The following CNBD1 variants were observed in gnomAD, a reference collection of about 807,000 sequenced individuals.
The protein encoded by CNBD1 is cyclic nucleotide binding domain containing 1.
A neutral mutation model predicts 54.4 loss-of-function variants in CNBD1; 71 were observed. The observed-to-expected ratio is 1.30, with a 90% CI of 1.08 to 1.59. The LOEUF is 1.59. Ranked by LOEUF, CNBD1 falls within the 40% of genes most tolerant of loss-of-function variation. CNBD1 has a pLI of 0.00. For missense variants in CNBD1, 659 were observed against 518.0 expected (o/e 1.27, Z -2.64); for synonymous variants, 182 against 170.7 (o/e 1.07, Z -0.51).
intron 4 of CNBD1, among the ~76,000 whole-genome samples, chr8:87,106,208 TTTTCTTTTC>T (rs551283424): frequency 8.2e-4 from 124 of 152,098 alleles, no homozygotes; most frequent in African/African-American, 2.8e-3. Context: ...TTTTCTTTTC[TTTTCTTTTC>T]TTTCTTTTCT....
chr8:86,897,585 A>G (rs1223617310), intron 2 of CNBD1, among the ~76,000 whole-genome samples: 1 of 152,248 alleles, frequency 6.6e-6, no homozygotes, highest in African/African-American at 2.4e-5. Context: ...GAGTCTACCC[A>G]TGAATGGCTG....
intron 5 of CNBD1, among the ~76,000 whole-genome samples, chr8:87,234,943 A>G (rs1010866175): frequency 2.0e-5 from 3 of 152,210 alleles, no homozygotes; most frequent in African/African-American, 7.2e-5. Context: ...ACCTTTATCA[A>G]TGACCTCAGC....
chr8:87,037,022 T>G (rs1002244915), intron 4 of CNBD1, among the ~76,000 whole-genome samples: 1 of 152,218 alleles, frequency 6.6e-6, no homozygotes, highest in Non-Finnish European at 1.5e-5. Context: ...AGGATTTCTC[T>G]GTAAACTTCT....
intron 8 of CNBD1, among the ~76,000 whole-genome samples, chr8:87,319,897 T>C (rs1809482614): frequency 6.6e-6 from 1 of 152,056 alleles, no homozygotes; most frequent in African/African-American, 2.4e-5. Context: ...GCATTGGATT[T>C]TGTCCTAAGT....
intron 4 of CNBD1, among the ~76,000 whole-genome samples, chr8:86,949,987 C>T (rs1195318389): frequency 2.6e-5 from 2 of 75,528 alleles, no homozygotes; most frequent in South Asian, 6.5e-4. Flanking sequence ...GATGGAGTCT[C>T]GCTCTGTCCC....
rs1206274610 is a variant in CNBD1 at position 87,166,296 on chromosome 8, T to A, written c.432-39697T>A. ...TTCAGGTCCATCTCCAATATATATC[T>A]TGGATCTGTCTGCTTGGTTCCATTT... is the stretch of plus-strand genomic sequence containing the variant. On this transcript the variant is annotated intron_variant, in intron 4 of 10. Coordinates refer to ENST00000518476, the MANE Select transcript of CNBD1 (RefSeq NM_173538.3). This position sits in a 1 kb window ranked among gnomAD's most constrained non-coding sequence, Gnocchi z 4.3. 1.3e-5 allele frequency among the ~76,000 whole-genome samples: 2 copies of A among 151,918 alleles called. No homozygotes were observed. Among genetic ancestry groups the A allele is most frequent in the Non-Finnish European group, 2.9e-5 (2 of 67,906 alleles).
At chr8:86,974,803 A>G (rs1180985674) in intron 4 of CNBD1, among the ~76,000 whole-genome samples, 4 of 152,014 alleles carry the variant, frequency 2.6e-5, no homozygotes, top group African/African-American at 9.7e-5. Flanking sequence ...AAGCTGGATA[A>G]TGTATGTTTA....
intron 6 of CNBD1, among the ~76,000 whole-genome samples, chr8:87,275,729 T>G (rs1311008862): frequency 6.6e-6 from 1 of 151,504 alleles, no homozygotes; most frequent in Non-Finnish European, 1.5e-5. Flanking sequence ...CCAGGGCAAT[T>G]AGGCAGGAGA....
chr8:87,378,463 T>C (rs1346589188), intron 10 of CNBD1, among the ~76,000 whole-genome samples: 9 of 151,174 alleles, frequency 6.0e-5, no homozygotes, highest in African/African-American at 1.2e-4. Context: ...CAGATAGTTG[T>C]AGATATGTGG....
intron 6 of CNBD1, among the ~76,000 whole-genome samples, chr8:87,241,765 TA>T (rs1362711725): frequency 2.0e-5 from 3 of 152,036 alleles, no homozygotes; most frequent in Non-Finnish European, 2.9e-5. Context: ...CAATACCTAT[TA>T]AAAAAACAAA....
chr8:86,939,896 G>A (rs1256994064), intron 4 of CNBD1, 142 bp downstream of exon 4: 2 of 503,568 alleles, frequency 4.0e-6, no homozygotes, highest in Admixed American at 3.8e-5. Flanking sequence ...TGGACACACT[G>A]GAGACTTTGT....
intron 2 of CNBD1, among the ~76,000 whole-genome samples, chr8:87,420,040 A>G (rs1011886937): frequency 6.6e-6 from 1 of 151,340 alleles, no homozygotes; most frequent in Non-Finnish European, 1.5e-5. Flanking sequence ...CATAATGACC[A>G]AGTTTGATTT....
intron 4 of CNBD1, among the ~76,000 whole-genome samples, chr8:86,989,143 G>A (rs938528204): frequency 1.3e-5 from 2 of 152,030 alleles, no homozygotes; most frequent in Non-Finnish European, 2.9e-5. Context: ...ATGGTGACGT[G>A]TGCCTGTAGT....
chr8:87,170,812 A>G (rs752506511), intron 4 of CNBD1, among the ~76,000 whole-genome samples: 14 of 152,094 alleles, frequency 9.2e-5, no homozygotes, highest in Non-Finnish European at 1.5e-4. Context: ...GATATATTAC[A>G]TTGATTTATT....
chr8:87,237,174 A>C (rs1425671912), intron 6 of CNBD1, 62 bp downstream of exon 6: 4 of 1,010,428 alleles, frequency 4.0e-6, no homozygotes, highest in Non-Finnish European at 5.8e-6. Flanking sequence ...GTAAAACTTT[A>C]TCTCTTCCAG....
At chr8:87,298,363 T>C (rs1478142781) in intron 8 of CNBD1, among the ~76,000 whole-genome samples, 1 of 152,100 alleles carries the variant, frequency 6.6e-6, no homozygotes, top group African/African-American at 2.4e-5. Context: ...AGACTTAAGG[T>C]ATCCTTCTCT....
chr8:86,927,613 TG>T, intron 3 of CNBD1, among the ~76,000 whole-genome samples: 1 of 152,054 alleles, frequency 6.6e-6, no homozygotes, highest in East Asian at 1.9e-4. Context: ...ACAGTAAACA[TG>T]GTTGATGTGA....
rs1324907257 is a variant in CNBD1 at position 87,226,937 on chromosome 8, A to G, written c.578-9982A>G. On this transcript the variant is annotated intron_variant, in intron 5 of 10. Coordinates refer to ENST00000518476, the MANE Select transcript of CNBD1 (RefSeq NM_173538.3). ...ATCTGGGTGCTCCTCTATTGGGTGC[A>G]TATATATTTAGGATAGTTAGCTCTT... Among the ~76,000 whole-genome samples, 8 of 151,818 alleles carry G rather than the reference A, an allele frequency of 5.3e-5. No individual in the cohort carries two copies. The East Asian group carries it at 9.7e-4, about 18-fold the overall frequency.
intron 2 of CNBD1, among the ~76,000 whole-genome samples, chr8:87,420,307 T>G (rs562109408): frequency 6.6e-6 from 1 of 152,146 alleles, no homozygotes; most frequent in East Asian, 1.9e-4. Flanking sequence ...CAGCAGGACC[T>G]TTTAAATTAC....
Sources: gnomAD v4.1 joint callset for allele counts (sites outside exome capture counted in the v4.1 genomes callset) on GRCh38, gnomAD v4.1.1 for gene constraint, Gnocchi (gnomAD v3.1) non-coding constraint, MANE v1.5 for transcripts, NCBI Gene and HGNC (gene_info 2026-07-23, HGNC 2026-07-21) for gene names.